The following DSCAM variants were observed in gnomAD, a reference collection of about 807,000 sequenced individuals.
The protein encoded by DSCAM is DS cell adhesion molecule, also known as cell adhesion molecule DSCAM.
A neutral mutation model predicts 217.7 loss-of-function variants in DSCAM; 47 were observed. The ratio of observed to expected loss-of-function variants is 0.22; its 90% CI spans 0.17 to 0.28. The LOEUF (loss-of-function observed/expected upper bound fraction) is 0.28, where lower values mean the gene tolerates loss of function less well. Among genes scored for constraint, DSCAM ranks in the 10% least tolerant of loss-of-function variants. DSCAM has a pLI of 1.00. For synonymous variants in DSCAM, 1,056 were observed against 1,015.3 expected, an observed-to-expected ratio of 1.04 and a Z score of -0.76; for missense variants, 2,080 against 2,618.3, an observed-to-expected ratio of 0.79 and a Z score of 4.49.
chr21:40,800,104 C>T lies in DSCAM; in HGVS notation c.43+46515G>A, dbSNP rs1417119879. On this transcript the variant is annotated intron_variant, in intron 1 of 32. Coordinates refer to ENST00000400454, the MANE Select transcript of DSCAM (RefSeq NM_001389.5). ...GACTTGAACAATAACTAAGCATCCT[C>T]ACCATATGATTCCCTGCACCACCTC... is the stretch of plus-strand genomic sequence containing the variant. Among the ~76,000 whole-genome samples, 4 of 152,344 alleles carry T rather than the reference C, an allele frequency of 2.6e-5. No homozygotes were observed. The East Asian group carries it at 5.8e-4, about 22-fold the overall frequency.
rs2076289173 is a variant in DSCAM at position 40,515,054 on chromosome 21, A to T, written c.509-145809T>A. Among the ~76,000 whole-genome samples the T allele has an allele frequency of 2.6e-5, 4 of 152,224 alleles. No homozygotes were observed. In the South Asian group the frequency reaches 8.3e-4, roughly 31 times the overall value. ...TGGCACTGCTTAAAAATATTGGTACATCAGTAAAGGCTACTTCTTATTTCA... is the reference window on the plus strand; with the variant it reads ...TGGCACTGCTTAAAAATATTGGTACTTCAGTAAAGGCTACTTCTTATTTCA... On this transcript the variant is annotated intron_variant, in intron 3 of 32. Transcript: ENST00000400454.
At chr21:40,252,238 T>G (rs1434564437) in intron 11 of DSCAM, among the ~76,000 whole-genome samples, 1 of 152,182 alleles carries the variant, frequency 6.6e-6, no homozygotes, top group Non-Finnish European at 1.5e-5. Flanking sequence ...AAGACATAGA[T>G]AATAAAATCA....
intron 1 of DSCAM, among the ~76,000 whole-genome samples, chr21:40,730,863 A>T (rs1431153235): frequency 6.6e-6 from 1 of 152,222 alleles, no homozygotes; most frequent in Non-Finnish European, 1.5e-5. Context: ...CAAAACAGAA[A>T]TTGTTACAAA....
chr21:40,232,075 AT>A (rs150095711), intron 11 of DSCAM, among the ~76,000 whole-genome samples: 1,738 of 152,092 alleles, frequency 0.011, 16 homozygotes, highest in Middle Eastern at 0.021. Flanking sequence ...GAATATAGTA[AT>A]TTTTTTTGGA....
At chr21:40,214,313 C>T (rs1311507210) in intron 11 of DSCAM, among the ~76,000 whole-genome samples, 1 of 152,180 alleles carries the variant, frequency 6.6e-6, no homozygotes, top group Admixed American at 6.5e-5. Context: ...AGCTGAGACT[C>T]TAAAGAGTGG....
intron 8 of DSCAM, among the ~76,000 whole-genome samples, chr21:40,316,252 T>C (rs1168176001): frequency 6.6e-6 from 1 of 152,196 alleles, no homozygotes; most frequent in Non-Finnish European, 1.5e-5. Flanking sequence ...CCACATTATG[T>C]AAGGACACAT....
chr21:40,630,429 G>T (rs575868749), intron 3 of DSCAM, among the ~76,000 whole-genome samples: 2 of 152,236 alleles, frequency 1.3e-5, no homozygotes, highest in South Asian at 4.1e-4. Flanking sequence ...CTTCTGAGTA[G>T]CTGGGATTAC....
chr21:40,205,594 C>T (rs926925249), intron 11 of DSCAM, among the ~76,000 whole-genome samples: 11 of 136,610 alleles, frequency 8.1e-5, no homozygotes, highest in African/African-American at 2.7e-4. Context: ...CAGAGCAAGA[C>T]TCTATCTCAA....
intron 11 of DSCAM, among the ~76,000 whole-genome samples, chr21:40,238,732 C>A (rs1004063883): frequency 1.1e-4 from 17 of 152,172 alleles, no homozygotes; most frequent in Non-Finnish European, 2.9e-5. Flanking sequence ...CTTGACATGG[C>A]CTTAAATGAC....
intron 3 of DSCAM, among the ~76,000 whole-genome samples, chr21:40,408,005 T>C (rs2075292975): frequency 6.6e-6 from 1 of 152,218 alleles, no homozygotes; most frequent in Non-Finnish European, 1.5e-5. Context: ...TAAGGCTCGC[T>C]GGCTACCTGG....
chr21:40,807,482 G>C lies in DSCAM; in HGVS notation c.43+39137C>G, dbSNP rs543388517. 4.6e-5 allele frequency among the ~76,000 whole-genome samples: 7 copies of C among 152,266 alleles called. No individual in the cohort carries two copies. In the South Asian group the frequency reaches 8.3e-4, roughly 18 times the overall value. On this transcript the variant is annotated intron_variant, in intron 1 of 32. Coordinates refer to ENST00000400454, the MANE Select transcript of DSCAM (RefSeq NM_001389.5). The stretch of plus-strand genomic sequence containing the variant: ...GGGGCGGGATGGGGGTGGAGGGCGA[G>C]GGGGAGGACAGGCTTCCTGTCCACT...
At chr21:40,399,269 C>CACGAA (rs368244425) in intron 3 of DSCAM, among the ~76,000 whole-genome samples, 65 of 150,308 alleles carry the variant, frequency 4.3e-4, no homozygotes, top group African/African-American at 1.3e-3. Context: ...GACCCTGTCT[C>CACGAA]ACAAAACAAA....
At chr21:40,844,888 T>C (rs1423019588) in intron 1 of DSCAM, among the ~76,000 whole-genome samples, 1 of 152,080 alleles carries the variant, frequency 6.6e-6, no homozygotes, top group African/African-American at 2.4e-5. Context: ...CACTTCCCAA[T>C]GGGGTGCAAA....
At chr21:40,386,748 C>T (rs1485650028) in intron 3 of DSCAM, among the ~76,000 whole-genome samples, 1 of 152,188 alleles carries the variant, frequency 6.6e-6, no homozygotes, top group African/African-American at 2.4e-5. Context: ...GAAAATTTGT[C>T]AAATTACTTC....
intron 3 of DSCAM, among the ~76,000 whole-genome samples, chr21:40,573,233 G>C (rs1235687776): frequency 6.6e-6 from 1 of 152,136 alleles, no homozygotes; most frequent in African/African-American, 2.4e-5. Flanking sequence ...AGCTACTCAG[G>C]AGGCTGAGGC....
At chr21:40,083,238 G>T (rs1047202057) in intron 24 of DSCAM, among the ~76,000 whole-genome samples, 6 of 152,216 alleles carry the variant, frequency 3.9e-5, no homozygotes. Context: ...AGACCAGCCT[G>T]GCCAACATGG....
chr21:40,634,545 G>T (rs79070704), intron 3 of DSCAM, among the ~76,000 whole-genome samples: 20,663 of 152,194 alleles, frequency 0.14, 1,791 homozygotes, highest in East Asian at 0.24. Context: ...GATGCAACAC[G>T]ATGGCCATAC....
intron 9 of DSCAM, among the ~76,000 whole-genome samples, chr21:40,310,648 T>C (rs1213890223): frequency 6.6e-6 from 1 of 152,212 alleles, no homozygotes; most frequent in African/African-American, 2.4e-5. Context: ...CCCGTACATT[T>C]TTATCTGACG....
At chr21:40,081,322 C>T in intron 24 of DSCAM, among the ~76,000 whole-genome samples, 1 of 110,426 alleles carries the variant, frequency 9.1e-6, no homozygotes, top group Admixed American at 8.8e-5. Flanking sequence ...AAAAATAAAG[C>T]ATTTTTTTTC....
Sources: gnomAD v4.1 joint callset for allele counts (sites outside exome capture counted in the v4.1 genomes callset) on GRCh38, gnomAD v4.1.1 for gene constraint, MANE v1.5 for transcripts, NCBI Gene and HGNC (gene_info 2026-07-23, HGNC 2026-07-21) for gene names.